The following CIAPIN1 variants were observed in gnomAD, a reference collection of about 807,000 sequenced individuals.
The protein encoded by CIAPIN1 is anamorsin.
Under a neutral mutation model 34.3 loss-of-function variants are expected in CIAPIN1, and 18 were observed. The observed-to-expected ratio is 0.52, with a 90% confidence interval of 0.36 to 0.78. The LOEUF is 0.78. CIAPIN1 is among the 30% of genes least tolerant of loss of function. CIAPIN1 has a pLI of 0.00. For missense variants in CIAPIN1, 310 were observed against 372.5 expected, an observed-to-expected ratio of 0.83 and a Z score of 1.38; for synonymous variants, 131 against 140.4, an observed-to-expected ratio of 0.93 and a Z score of 0.47.
At chr16:57,432,341 T>A (rs1419003467) in intron 6 of CIAPIN1, 146 bp downstream of exon 6, 15 of 601,886 alleles carry the variant, frequency 2.5e-5, no homozygotes, top group Admixed American at 9.5e-5. Context: ...TGGAGTTTCC[T>A]TCTAAATCAA....
chr16:57,443,242 C>T (rs1017605538), intron 1 of CIAPIN1, among the ~76,000 whole-genome samples: 27 of 149,918 alleles, frequency 1.8e-4, no homozygotes, highest in Admixed American at 1.4e-3. Context: ...CGGGTTCAAG[C>T]GATTCTCACG....
At chr16:57,438,281 C>A (rs1031304060) in intron 3 of CIAPIN1, among the ~76,000 whole-genome samples, 98 of 152,192 alleles carry the variant, frequency 6.4e-4, no homozygotes, top group African/African-American at 2.3e-3. Flanking sequence ...ACAGCTATAC[C>A]ACCGATCAAA....
rs1472738095 is a variant in CIAPIN1, at chr16:57,440,831, T to C, written c.98A>G (p.Gln33Arg). 3 of 1,613,852 alleles carry C rather than the reference T, an allele frequency of 1.9e-6. No individual in the cohort carries two copies. Among genetic ancestry groups the C allele is most frequent in the African/African-American group, 2.7e-5 (2 of 74,892 alleles). The change falls in exon 2 of 9, where the codon CAA (glutamine) becomes CGA (arginine). Residue 33 changes from glutamine (Q) to arginine (R), a missense_variant. Physicochemically the swap from Gln to Arg is conservative, Grantham distance 43. Transcript: ENST00000394391. ...EALKGLVDKL[Q>R]ALTGNEGRVS... ...GCGGCCCTCATTGCCGGTTAACGCT[T>C]GAAGCTTATCCACCAGACCTTTCAG...
intron 3 of CIAPIN1, among the ~76,000 whole-genome samples, chr16:57,437,332 T>C (rs1903226324): frequency 6.6e-6 from 1 of 152,098 alleles, no homozygotes; most frequent in South Asian, 2.1e-4. Flanking sequence ...GTTAGATGAT[T>C]CTGCCCAACT....
intron 6 of CIAPIN1, 37 bp from the exon 7 acceptor site, chr16:57,431,303 G>T: frequency 7.1e-7 from 1 of 1,415,190 alleles, no homozygotes; most frequent in Non-Finnish European, 9.9e-7. Context: ...ATACAGTCGT[G>T]GTCTCTGCTA....
At position 57,429,283 on chromosome 16, in the gene CIAPIN1, GGA is replaced by G. The variant is rs1284951214; in HGVS notation, c.829-5_829-4del. On this transcript the variant is annotated splice_region_variant and splice_polypyrimidine_tract_variant and intron_variant, in intron 8 of 8. Coordinates refer to ENST00000394391, the MANE Select transcript of CIAPIN1 (RefSeq NM_020313.4). ...CGGAAGGCATCGCCCAGGTAGCACT[GGA>G]GAGAGAGAATGGGGAAGCCAAGGGT... The G allele has an allele frequency of 3.1e-6, 5 of 1,606,020 alleles. No individual in the cohort carries two copies. The highest frequency in any genetic ancestry group is 1.7e-5 in the Admixed American group (1 of 59,996).
chr16:57,436,392 T>A (rs1249481641), intron 4 of CIAPIN1, among the ~76,000 whole-genome samples: 2 of 152,092 alleles, frequency 1.3e-5, no homozygotes, highest in South Asian at 4.1e-4. Context: ...CAGGCCCGAC[T>A]AATTTTTTTG....
intron 4 of CIAPIN1, among the ~76,000 whole-genome samples, chr16:57,435,422 T>G (rs1903177612): frequency 6.6e-6 from 1 of 152,196 alleles, no homozygotes; most frequent in African/African-American, 2.4e-5. Flanking sequence ...TAATACACAT[T>G]CCTTATTTTA....
Position 57,436,701 on chromosome 16 carries a change from C to G in CIAPIN1, c.342G>C (p.Lys114Asn). The G allele has an allele frequency of 6.2e-7, 1 of 1,613,956 alleles. No individual in the cohort carries two copies. The highest frequency in any genetic ancestry group is 8.5e-7 in the Non-Finnish European group (1 of 1,179,908). Reference protein sequence around the residue: ...DNNSKVKTASKLCSALTLSGL... With the variant: ...DNNSKVKTASNLCSALTLSGL... ...CAGAAAGAGTCAGGGCTGAACACAG[C>G]TTAGATGCTGTCTTCACTTTGCTAT... Residue 114 changes from lysine to asparagine, a missense_variant, in exon 4 of 9, where the codon AAG becomes AAC. By Grantham distance (94) the Lys-to-Asn change is moderately conservative. Transcript: ENST00000394391.
intron 6 of CIAPIN1, 67 bp from the exon 7 acceptor site, chr16:57,431,333 G>C: frequency 9.2e-7 from 1 of 1,090,224 alleles, no homozygotes; most frequent in South Asian, 1.4e-5. Flanking sequence ...TAAAGTGACT[G>C]CAGGCTTCGA....
At chr16:57,432,921 G>C (rs1446758300) in intron 5 of CIAPIN1, among the ~76,000 whole-genome samples, 1 of 152,252 alleles carries the variant, frequency 6.6e-6, no homozygotes, top group Non-Finnish European at 1.5e-5. Context: ...AGGCTGCAAA[G>C]CCTGTCTGAT....
intron 5 of CIAPIN1, chr16:57,433,835 C>G: frequency 2.1e-6 from 1 of 465,842 alleles, no homozygotes; most frequent in Non-Finnish European, 4.0e-6. Flanking sequence ...GAAGAAGGAG[C>G]TGAACTAGAT....
At chr16:57,440,320 G>A (rs954118774) in intron 2 of CIAPIN1, among the ~76,000 whole-genome samples, 12 of 151,914 alleles carry the variant, frequency 7.9e-5, no homozygotes, top group South Asian at 2.1e-4. Flanking sequence ...TTTTAATTTC[G>A]CCCCAGTCCT....
At chr16:57,446,327 A>G (rs1376801722) in intron 1 of CIAPIN1, among the ~76,000 whole-genome samples, 1 of 152,196 alleles carries the variant, frequency 6.6e-6, no homozygotes, top group African/African-American at 2.4e-5. Flanking sequence ...ACCTAAAACC[A>G]GAAATATGGA....
rs1462864788 is a variant in CIAPIN1, at chr16:57,430,532, G to A, written c.747-193C>T. The A allele has an allele frequency of 6.7e-6, 4 of 599,862 alleles. No individual in the cohort carries two copies. The African/African-American group carries it at 7.4e-5, about 11-fold the overall frequency. 37.2% of individuals were successfully genotyped at this position (599,862 alleles called of 1,614,324 possible). On this transcript the variant is annotated intron_variant, in intron 7 of 8. Transcript: ENST00000394391. ...CAGAAGTGGGAGGAGGATGAGGGAA[G>A]TACCGTGTGTGCTCTGTCTACAGAG... is the stretch of plus-strand genomic sequence containing the variant.
chr16:57,444,484 AG>A (rs1309108538), intron 1 of CIAPIN1, among the ~76,000 whole-genome samples: 2 of 152,236 alleles, frequency 1.3e-5, no homozygotes, highest in African/African-American at 2.4e-5. Flanking sequence ...AGGACACTCC[AG>A]GGAGTGATGG....
Position 57,440,978 on chromosome 16 carries a change from T to A in CIAPIN1, c.-50A>T. On this transcript the variant is annotated 5_prime_UTR_variant, in exon 2 of 9. Coordinates refer to ENST00000394391, the MANE Select transcript of CIAPIN1 (RefSeq NM_020313.4). ...CTAAAAACTGCTGGCCAAAAGGGAA[T>A]CAAGACTGGGCAGAGACAAAGTGCA... The A allele has an allele frequency of 6.3e-7, 1 of 1,580,404 alleles. No homozygotes were observed. Among genetic ancestry groups the A allele is most frequent in the Non-Finnish European group, 8.6e-7 (1 of 1,162,738 alleles).
chr16:57,432,295 A>C (rs1394013638), intron 6 of CIAPIN1, among the ~76,000 whole-genome samples, 192 bp downstream of exon 6: 1 of 152,076 alleles, frequency 6.6e-6, no homozygotes, highest in Non-Finnish European at 1.5e-5. Flanking sequence ...CTTGGGCAAG[A>C]GAGCGAGACT....
chr16:57,432,559 C>A lies in CIAPIN1; in HGVS notation c.558G>T (p.Val186=). The change falls in exon 6 of 9, where the codon GTG becomes GTT. Residue 186 remains valine (V), a splice_region_variant and synonymous_variant. Transcript: ENST00000394391. Reference sequence around the variant, plus strand: ...CAGCAGCAGGGTCCACAGCAGGTTTCACTGAGTCCAAGCAATAAAAGAAAA... The same window carrying A: ...CAGCAGCAGGGTCCACAGCAGGTTTAACTGAGTCCAAGCAATAAAAGAAAA... The part of the protein sequence containing the change: ...LSITKKSSPS[V]KPAVDPAAAK... 6.2e-7 allele frequency: 1 copy of A among 1,612,186 alleles called. No homozygotes were observed. The highest frequency in any genetic ancestry group is 1.1e-5 in the South Asian group (1 of 90,976).
Sources: gnomAD v4.1 joint callset for allele counts (sites outside exome capture counted in the v4.1 genomes callset) on GRCh38, gnomAD v4.1.1 for gene constraint, MANE v1.5 for transcripts, NCBI Gene and HGNC (gene_info 2026-07-23, HGNC 2026-07-21) for gene names.